Variants in ZSCAN31 observed in about 807,000 individuals in gnomAD.
The protein encoded by ZSCAN31 is zinc finger and SCAN domain-containing protein 31.
ZSCAN31 carries 14 observed loss-of-function variants against 22.5 expected under a neutral mutation model. That is an observed-to-expected ratio of 0.62 (90% CI 0.41 to 0.97). The LOEUF (loss-of-function observed/expected upper bound fraction) is 0.97. ZSCAN31 is among the 50% of genes least tolerant of loss of function. The pLI is 0.00. For missense variants in ZSCAN31, 424 were observed against 483.4 expected (o/e 0.88, Z 1.15); for synonymous variants, 168 against 169.8 (o/e 0.99, Z 0.08).
upstream of ZSCAN31, among the ~76,000 whole-genome samples, chr6:28,338,870 A>T (rs1341419823): frequency 2.0e-5 from 3 of 152,194 alleles, no homozygotes; most frequent in African/African-American, 7.2e-5. Flanking sequence ...AATTGTTGAC[A>T]TTTGAGTAAA....
intron 2 of ZSCAN31, among the ~76,000 whole-genome samples, chr6:28,343,224 G>A (rs888122475): frequency 6.6e-6 from 1 of 152,126 alleles, no homozygotes; most frequent in Non-Finnish European, 1.5e-5. Flanking sequence ...TTGGGCTAGG[G>A]TTTATTATAG....
At chr6:28,326,934 C>T (rs1181623723) in intron 3 of ZSCAN31, 80 bp from the exon 4 acceptor site, 18 of 1,282,914 alleles carry the variant, frequency 1.4e-5, no homozygotes, top group East Asian at 4.7e-5. Flanking sequence ...ATAGAAAGAT[C>T]GATATCAAAC....
chr6:28,350,684 C>T (rs1311037196), intron 2 of ZSCAN31, among the ~76,000 whole-genome samples: 1 of 152,170 alleles, frequency 6.6e-6, no homozygotes, highest in East Asian at 1.9e-4. Flanking sequence ...TATGATGACA[C>T]ATTAGTGACT....
Position 28,333,563 on chromosome 6 carries a change from A to T in ZSCAN31, c.-96+2519T>A, listed in dbSNP as rs1763919612. 6.6e-6 allele frequency among the ~76,000 whole-genome samples: 1 copy of T among 152,190 alleles called. No individual in the cohort carries two copies. ...CCAAATAAATGGACAGCCTATTTAG[A>T]TGGGGTAGTGGGAAGTGAGGTAACA... On this transcript the variant is annotated intron_variant, in intron 1 of 3. Coordinates refer to ENST00000344279, the MANE Select transcript of ZSCAN31 (RefSeq NM_030899.5). This position sits in a 1 kb window ranked among gnomAD's most constrained non-coding sequence, Gnocchi z 4.1.
chr6:28,345,381 TG>T (rs1467563591), intron 2 of ZSCAN31, among the ~76,000 whole-genome samples: 1 of 152,164 alleles, frequency 6.6e-6, no homozygotes, highest in African/African-American at 2.4e-5. Context: ...GCTACCCCAG[TG>T]CTGGCAGGAT....
At chr6:28,348,383 AAGTT>A (rs1372573448) in intron 2 of ZSCAN31, among the ~76,000 whole-genome samples, 1 of 152,168 alleles carries the variant, frequency 6.6e-6, no homozygotes, top group Non-Finnish European at 1.5e-5. Flanking sequence ...AAAAGTCTGA[AAGTT>A]AGCTGACTGG....
At position 28,326,316 on chromosome 6, in the gene ZSCAN31, G is replaced by C; in HGVS notation, c.1071C>G (p.Gly357=). Residue 357 remains glycine (G), a synonymous_variant, in exon 4 of 4, where the codon GGC becomes GGG. Transcript: ENST00000344279. ...GCCCTGCATTCTGAATGAAGGCTTT[G>C]CCACACTCACGACACTGATAGCGCT... ...GEKRYQCREC[G]KAFIQNAGLF... 1.2e-6 allele frequency: 2 copies of C among 1,614,144 alleles called. No homozygotes were observed. Among genetic ancestry groups the C allele is most frequent in the Non-Finnish European group, 1.7e-6 (2 of 1,180,022 alleles).
intron 2 of ZSCAN31, among the ~76,000 whole-genome samples, chr6:28,344,784 A>G (rs1234463360): frequency 1.3e-5 from 2 of 152,082 alleles, no homozygotes; most frequent in Non-Finnish European, 2.9e-5. Context: ...AAAAATATAT[A>G]TAGTACATTT....
intron 2 of ZSCAN31, among the ~76,000 whole-genome samples, chr6:28,327,861 A>C (rs1355846922): frequency 1.3e-5 from 2 of 152,184 alleles, no homozygotes; most frequent in Non-Finnish European, 2.9e-5. Context: ...AAAGTATCAG[A>C]GAATCTGTCC....
chr6:28,344,838 A>G (rs1764571282), intron 2 of ZSCAN31, among the ~76,000 whole-genome samples: 1 of 151,986 alleles, frequency 6.6e-6, no homozygotes, highest in African/African-American at 2.4e-5. Flanking sequence ...GAACTAGAAG[A>G]AAAAAATTGG....
In ZSCAN31 at chr6:28,347,154, C is replaced by T. The variant is rs936181788; in HGVS notation, c.-370-5362G>A. ...AGCTGGAGCCTCTCTTGTAACTGCA[C>T]CACAGTTCAACTACTCTGCCTAGCC... On this transcript the variant is annotated intron_variant, in intron 2 of 7. Coordinates refer to the ZSCAN31 transcript ENST00000396838. This position sits in a 1 kb window ranked among gnomAD's most constrained non-coding sequence, Gnocchi z 5.2. Among the ~76,000 whole-genome samples, 1 of 152,180 alleles carries T rather than the reference C, an allele frequency of 6.6e-6. No homozygotes were observed. Among genetic ancestry groups the T allele is most frequent in the African/African-American group, 2.4e-5 (1 of 41,442 alleles).
At chr6:28,352,953 C>A (rs1315960326) in intron 2 of ZSCAN31, among the ~76,000 whole-genome samples, 2 of 142,408 alleles carry the variant, frequency 1.4e-5, no homozygotes, top group East Asian at 4.1e-4. Context: ...CATTTCTTTT[C>A]TTTTCTTTTT....
upstream of ZSCAN31, chr6:28,336,318 T>C (rs1240103523): frequency 6.6e-6 from 1 of 152,228 alleles, no homozygotes; most frequent in African/African-American, 2.4e-5. Context: ...CGGCGAGGCA[T>C]TTCTATGGGG....
At chr6:28,335,690 A>C (rs1433485940) in intron 1 of ZSCAN31, 1 of 152,292 alleles carries the variant, frequency 6.6e-6, no homozygotes, top group Non-Finnish European at 1.5e-5. Flanking sequence ...GACAGCCCGC[A>C]GACTAAGCGC....
chr6:28,355,853 CA>C (rs1765386848), upstream of ZSCAN31, among the ~76,000 whole-genome samples: 2 of 152,190 alleles, frequency 1.3e-5, no homozygotes. Flanking sequence ...CCAAGTCCAC[CA>C]CACAGTGGCA....
At chr6:28,355,787 G>A (rs1765382904), upstream of ZSCAN31, 1 of 152,264 alleles carries the variant, frequency 6.6e-6, no homozygotes, top group African/African-American at 2.4e-5. Context: ...ACCCTCCCAC[G>A]AAGGCAAAGT....
At chr6:28,340,393 G>A (rs1032109539), upstream of ZSCAN31, among the ~76,000 whole-genome samples, 1 of 152,194 alleles carries the variant, frequency 6.6e-6, no homozygotes, top group African/African-American at 2.4e-5. Flanking sequence ...TGAATCATGG[G>A]GGCGGTTTTC....
rs1039008307 is a variant in ZSCAN31 at position 28,353,678 on chromosome 6, AG to A, written c.-371+183del. Among the ~76,000 whole-genome samples the A allele has an allele frequency of 2.6e-5, 4 of 152,192 alleles. No individual in the cohort carries two copies. The East Asian group carries it at 7.7e-4, about 29-fold the overall frequency. On this transcript the variant is annotated intron_variant, in intron 2 of 7. Coordinates refer to the ZSCAN31 transcript ENST00000396838. ...GACCGTCTGGGAGGCAGCTCAGGATAGGGATCAGGAGTCTACAGCCTAGAAA... is the reference window on the plus strand; with the variant it reads ...GACCGTCTGGGAGGCAGCTCAGGATAGGATCAGGAGTCTACAGCCTAGAAA...
intron 2 of ZSCAN31, among the ~76,000 whole-genome samples, chr6:28,352,009 GT>G (rs1765065941): frequency 6.8e-6 from 1 of 147,854 alleles, no homozygotes; most frequent in Non-Finnish European, 1.5e-5. Context: ...TCTTTTTACA[GT>G]TGTTGTTTTC....
Sources: allele counts gnomAD v4.1 joint callset (sites outside exome capture counted in the v4.1 genomes callset), GRCh38; gene constraint gnomAD v4.1.1; non-coding constraint Gnocchi (gnomAD v3.1); transcripts MANE v1.5; gene names NCBI Gene and HGNC (gene_info 2026-07-23, HGNC 2026-07-21).